The following KCNQ3 variants were observed in gnomAD, a reference collection of about 807,000 sequenced individuals.
The protein encoded by KCNQ3 is potassium voltage-gated channel subfamily Q member 3.
A neutral mutation model predicts 92.5 loss-of-function variants in KCNQ3; 30 were observed. The ratio of observed to expected loss-of-function variants is 0.32; its 90% CI spans 0.24 to 0.44. The LOEUF is 0.44. Among genes scored for constraint, KCNQ3 ranks in the 20% least tolerant of loss-of-function variants. The probability of loss-of-function intolerance (pLI) is 1.00; values close to 1 mark genes in which losing one functional copy is unlikely to be tolerated. For synonymous variants in KCNQ3, 450 were observed against 468.8 expected, an observed-to-expected ratio of 0.96 and a Z score of 0.52; for missense variants, 913 against 1,140.3, an observed-to-expected ratio of 0.80 and a Z score of 2.87.
rs375099145 is a variant in KCNQ3, at chr8:132,403,016, C to CAAAAAAAAAAAAAAAAAAAAAAA, written c.386+77130_386+77131insTTTTTTTTTTTTTTTTTTTTTTT. ...CTGGCAACAGGGCGAGGCACCATCA[C>CAAAAAAAAAAAAAAAAAAAAAAA]AAAAAAAAAAAAAAAAGTGTCAATA... On this transcript the variant is annotated intron_variant, in intron 1 of 14. Coordinates refer to ENST00000388996, the MANE Select transcript of KCNQ3 (RefSeq NM_004519.4). 1.3e-3 allele frequency among the ~76,000 whole-genome samples: 91 copies of CAAAAAAAAAAAAAAAAAAAAAAA among 67,610 alleles called. 10 individuals carry two copies. Among genetic ancestry groups the CAAAAAAAAAAAAAAAAAAAAAAA allele is most frequent in the Middle Eastern group, 0.013 (1 of 78 alleles). The allele number at this position is 67,610 out of a possible 152,430, so 44.4% of individuals were successfully genotyped here. A position where few individuals can be genotyped will look rare whatever the true frequency, so the allele number is the denominator to read the frequency against.
intron 3 of KCNQ3, among the ~76,000 whole-genome samples, chr8:132,182,832 A>T (rs1361667621): frequency 6.6e-6 from 1 of 152,184 alleles, no homozygotes; most frequent in Non-Finnish European, 1.5e-5. Context: ...GGGCAAACGA[A>T]GAGAGAAGAA....
chr8:132,242,857 T>C (rs925182388), intron 1 of KCNQ3, among the ~76,000 whole-genome samples: 8 of 152,174 alleles, frequency 5.3e-5, no homozygotes, highest in East Asian at 1.9e-4. Flanking sequence ...TCCTGTGGAG[T>C]AGACTTCATT....
At chr8:132,276,152 G>T (rs1013425479) in intron 1 of KCNQ3, among the ~76,000 whole-genome samples, 1 of 152,114 alleles carries the variant, frequency 6.6e-6, no homozygotes, top group African/African-American at 2.4e-5. Context: ...AATCGTACAA[G>T]AACTCAATTT....
chr8:132,223,038 T>C (rs1814286750), intron 1 of KCNQ3, among the ~76,000 whole-genome samples: 1 of 152,188 alleles, frequency 6.6e-6, no homozygotes, highest in African/African-American at 2.4e-5. Context: ...GGCTACAGTG[T>C]GGGTGGAAGT....
intron 1 of KCNQ3, among the ~76,000 whole-genome samples, chr8:132,463,823 T>C (rs1193240931): frequency 2.0e-5 from 3 of 152,268 alleles, no homozygotes; most frequent in African/African-American, 7.2e-5. Context: ...TTTTTTCTTT[T>C]ATTCTTTGAG....
At chr8:132,452,090 A>T (rs1177470920) in intron 1 of KCNQ3, among the ~76,000 whole-genome samples, 1 of 152,226 alleles carries the variant, frequency 6.6e-6, no homozygotes, top group Non-Finnish European at 1.5e-5. Context: ...TAAAATATAC[A>T]TAACATAAAT....
In KCNQ3 at chr8:132,212,486, T is replaced by A. The variant is rs115105103; in HGVS notation, c.387-26305A>T. 5.9e-3 allele frequency among the ~76,000 whole-genome samples: 894 copies of A among 152,200 alleles called. 11 individuals are homozygous for A. Among genetic ancestry groups the A allele is most frequent in the African/African-American group, 0.02 (843 of 41,514 alleles). ...TCAGAATCATGTTCCTTAAACCTGG[T>A]CTTCTAGGACTGACTTTCAAGCATC... On this transcript the variant is annotated intron_variant, in intron 1 of 14. Coordinates refer to ENST00000388996, the MANE Select transcript of KCNQ3 (RefSeq NM_004519.4).
At position 132,122,967 on chromosome 8, in the gene KCNQ3, T is replaced by C. The variant is rs1455746751; in HGVS notation, c.*6295A>G. ...GTGAAGGCCCTAGAGTATCTGCTTA[T>C]GTCCTGACAACATGGGGATTCTCTG... On this transcript the variant is annotated 3_prime_UTR_variant, in exon 15 of 15. Coordinates refer to ENST00000388996, the MANE Select transcript of KCNQ3 (RefSeq NM_004519.4). The C allele has an allele frequency of 1.3e-5, 2 of 152,214 alleles. No individual in the cohort carries two copies. Among genetic ancestry groups the C allele is most frequent in the Admixed American group, 6.5e-5 (1 of 15,282 alleles). The allele number at this position is 152,214 out of a possible 1,614,324, so 9.4% of individuals were successfully genotyped here.
intron 1 of KCNQ3, among the ~76,000 whole-genome samples, chr8:132,414,155 C>A (rs1159512745): frequency 6.6e-6 from 1 of 152,228 alleles, no homozygotes; most frequent in Non-Finnish European, 1.5e-5. Context: ...TATTTAATTT[C>A]ATTTTCACAA....
At chr8:132,358,161 G>T (rs1278551657) in intron 1 of KCNQ3, among the ~76,000 whole-genome samples, 2 of 152,232 alleles carry the variant, frequency 1.3e-5, no homozygotes, top group Non-Finnish European at 2.9e-5. Context: ...GTGAAAGGTG[G>T]CTGAGTAAAT....
chr8:132,445,954 G>T (rs1221206557), intron 1 of KCNQ3, among the ~76,000 whole-genome samples: 1 of 152,170 alleles, frequency 6.6e-6, no homozygotes, highest in Non-Finnish European at 1.5e-5. Flanking sequence ...CAAGCAAGAA[G>T]TCCATCTTAC....
intron 1 of KCNQ3, among the ~76,000 whole-genome samples, chr8:132,255,555 A>C (rs1437257326): frequency 6.6e-6 from 1 of 152,206 alleles, no homozygotes; most frequent in Non-Finnish European, 1.5e-5. Context: ...GTGCATACCC[A>C]ATAAAGACCC....
intron 1 of KCNQ3, among the ~76,000 whole-genome samples, chr8:132,274,375 A>G (rs545590341): frequency 1.3e-5 from 2 of 152,184 alleles, no homozygotes; most frequent in South Asian, 2.1e-4. Flanking sequence ...ACCTGTCCCC[A>G]TGATAAAATT....
rs1297807225 is a variant in KCNQ3 at position 132,129,237 on chromosome 8, A to G, written c.*25T>C. The G allele has an allele frequency of 6.2e-7, 1 of 1,605,248 alleles. No individual in the cohort carries two copies. The highest frequency in any genetic ancestry group is 8.5e-7 in the Non-Finnish European group (1 of 1,179,760). The stretch of plus-strand genomic sequence containing the variant: ...CTATACAAAGTCTGTCTACATTACA[A>G]GGAGGGGTCAGCCAGTGACCTCTTT... On this transcript the variant is annotated 3_prime_UTR_variant, in exon 15 of 15. Transcript: ENST00000388996. The surrounding 1 kb of genome is among the most constrained non-coding windows in gnomAD (Gnocchi z 5.9).
At chr8:132,353,045 C>G (rs536777319) in intron 1 of KCNQ3, among the ~76,000 whole-genome samples, 1 of 151,986 alleles carries the variant, frequency 6.6e-6, no homozygotes, top group Non-Finnish European at 1.5e-5. Flanking sequence ...CCCAACATGG[C>G]GAAACACTGT....
At chr8:132,320,077 T>C (rs1416680187) in intron 1 of KCNQ3, among the ~76,000 whole-genome samples, 2 of 152,232 alleles carry the variant, frequency 1.3e-5, no homozygotes, top group Non-Finnish European at 2.9e-5. Context: ...TTCCAATAAA[T>C]AGATGGTACA....
At chr8:132,263,673 C>A (rs1295839798) in intron 1 of KCNQ3, among the ~76,000 whole-genome samples, 1 of 152,134 alleles carries the variant, frequency 6.6e-6, no homozygotes, top group East Asian at 1.9e-4. Flanking sequence ...GAAGCAAAAT[C>A]AAAAAGAAGT....
intron 1 of KCNQ3, among the ~76,000 whole-genome samples, chr8:132,313,061 T>C (rs1206956979): frequency 6.6e-6 from 1 of 152,184 alleles, no homozygotes; most frequent in East Asian, 1.9e-4. Context: ...GCTGTGTCTA[T>C]TAAGGTGGCA....
chr8:132,247,435 A>T (rs946821918), intron 1 of KCNQ3, among the ~76,000 whole-genome samples: 19 of 152,112 alleles, frequency 1.2e-4, no homozygotes, highest in Non-Finnish European at 2.2e-4. Flanking sequence ...TTATCCCTTA[A>T]CACACTGGCC....
Sources: gnomAD v4.1 joint callset for allele counts (sites outside exome capture counted in the v4.1 genomes callset) on GRCh38, gnomAD v4.1.1 for gene constraint, Gnocchi (gnomAD v3.1) non-coding constraint, MANE v1.5 for transcripts, NCBI Gene and HGNC (gene_info 2026-07-23, HGNC 2026-07-21) for gene names.